The following RIOK3 variants were observed in gnomAD, a reference collection of about 807,000 sequenced individuals.
RIOK3 encodes the protein RIO kinase 3, also known as serine/threonine-protein kinase RIO3.
A neutral mutation model predicts 63.5 loss-of-function variants in RIOK3; 40 were observed. The ratio of observed to expected loss-of-function variants is 0.63; its 90% CI spans 0.49 to 0.82. The LOEUF (loss-of-function observed/expected upper bound fraction) is 0.82, where lower values mean the gene tolerates loss of function less well. Ranked by LOEUF, RIOK3 falls within the 40% of genes least tolerant of loss-of-function variation. The pLI, the probability that RIOK3 is intolerant of heterozygous loss-of-function variation, is 0.00. For missense variants in RIOK3, 557 were observed against 637.0 expected (o/e 0.87, Z 1.35); for synonymous variants, 193 against 205.0 (o/e 0.94, Z 0.50).
intron 11 of RIOK3, among the ~76,000 whole-genome samples, chr18:23,477,766 C>CAAAAA (rs538290499): frequency 1.4e-5 from 1 of 69,174 alleles, no homozygotes; most frequent in African/African-American, 5.2e-5. Flanking sequence ...GGCTCCGTCT[C>CAAAAA]AAAAAAAAAA....
intron 2 of RIOK3, 188 bp downstream of exon 2, chr18:23,463,267 T>C: frequency 4.2e-6 from 2 of 477,088 alleles, no homozygotes; most frequent in Non-Finnish European, 7.4e-6. Context: ...GACAAACCAC[T>C]GTTTCTGTGG....
chr18:23,470,748 A>G (rs2057451177), intron 7 of RIOK3, among the ~76,000 whole-genome samples: 1 of 152,200 alleles, frequency 6.6e-6, no homozygotes, highest in Non-Finnish European at 1.5e-5. Context: ...CTTAAAAGCT[A>G]GGCAGAGGGA....
rs539767450 is a variant in RIOK3 at position 23,481,893 on chromosome 18, A to G, written c.*614A>G. The G allele has an allele frequency of 6.6e-6, 1 of 152,334 alleles. No homozygotes were observed. Among genetic ancestry groups the G allele is most frequent in the South Asian group, 2.1e-4 (1 of 4,830 alleles). The allele number at this position is 152,334 out of a possible 1,614,324, so 9.4% of individuals were successfully genotyped here. On this transcript the variant is annotated 3_prime_UTR_variant, in exon 13 of 13. Coordinates refer to ENST00000339486, the MANE Select transcript of RIOK3 (RefSeq NM_003831.5). ...AAAATGAACAGAATTCTTTTTCCATACTTATATCTAAGAAAAGGCATCATA... is the reference window on the plus strand; with the variant it reads ...AAAATGAACAGAATTCTTTTTCCATGCTTATATCTAAGAAAAGGCATCATA...
chr18:23,468,293 C>CTTTTT (rs1245472469), intron 7 of RIOK3, among the ~76,000 whole-genome samples: 36 of 46,474 alleles, frequency 7.7e-4, no homozygotes, highest in African/African-American at 1.2e-3. Context: ...CAATATACTC[C>CTTTTT]TTTTTTTTTT....
At chr18:23,470,966 G>A (rs955893106) in intron 7 of RIOK3, among the ~76,000 whole-genome samples, 1 of 152,166 alleles carries the variant, frequency 6.6e-6, no homozygotes, top group Admixed American at 6.5e-5. Flanking sequence ...TGTCTTTTAA[G>A]TTATTAGAGA....
At chr18:23,468,773 A>C (rs978250249) in intron 7 of RIOK3, among the ~76,000 whole-genome samples, 2 of 152,180 alleles carry the variant, frequency 1.3e-5, no homozygotes, top group African/African-American at 4.8e-5. Context: ...GTACATAATA[A>C]ATTGCCACAG....
chr18:23,467,473 T>G lies in RIOK3; in HGVS notation c.762T>G (p.Thr254=). The G allele has an allele frequency of 6.2e-7, 1 of 1,613,722 alleles. No individual in the cohort carries two copies. Among genetic ancestry groups the G allele is most frequent in the Non-Finnish European group, 8.5e-7 (1 of 1,179,664 alleles). The part of the protein sequence containing the change: ...MVNSGMLETI[T]GCISTGKESV... ...ACTCTGGAATGTTGGAGACAATCAC[T>G]GGCTGTATTAGTACAGGAAAGGAGT... Residue 254 remains threonine, a synonymous_variant, in exon 7 of 13, where the codon ACT becomes ACG. Transcript: ENST00000339486.
rs755964291 is a variant in RIOK3, at chr18:23,467,574, TC to T, written c.815+52del. 3.2e-6 allele frequency: 5 copies of T among 1,554,872 alleles called. No homozygotes were observed. The East Asian group carries it at 1.1e-4, about 35-fold the overall frequency. ...CATGATATGAAAACTTAGTCTCTTCTCCCCAAGATTAATGAATTTACACAGA... is the reference window on the plus strand; with the variant it reads ...CATGATATGAAAACTTAGTCTCTTCTCCCAAGATTAATGAATTTACACAGA... On this transcript the variant is annotated intron_variant, in intron 7 of 12. Coordinates refer to ENST00000339486, the MANE Select transcript of RIOK3 (RefSeq NM_003831.5).
At chr18:23,463,652 G>A (rs1049716864) in intron 2 of RIOK3, among the ~76,000 whole-genome samples, 2 of 152,044 alleles carry the variant, frequency 1.3e-5, no homozygotes. Flanking sequence ...CAGATGATCC[G>A]CCAGCCTCAG....
At chr18:23,454,228 A>AT (rs2057323684) in intron 1 of RIOK3, among the ~76,000 whole-genome samples, 1 of 152,096 alleles carries the variant, frequency 6.6e-6, no homozygotes, top group African/African-American at 2.4e-5. Flanking sequence ...TTCCATTGGG[A>AT]TTTTTTGTTC....
chr18:23,466,029 T>C, intron 5 of RIOK3, 104 bp from the exon 6 acceptor site: 1 of 765,964 alleles, frequency 1.3e-6, no homozygotes, highest in South Asian at 2.9e-5. Flanking sequence ...TCTAGTGTGA[T>C]CATCTATTGA....
At chr18:23,471,525 T>C (rs185844547) in intron 7 of RIOK3, among the ~76,000 whole-genome samples, 5 of 152,284 alleles carry the variant, frequency 3.3e-5, no homozygotes, top group East Asian at 1.9e-4. Context: ...TTGATTCTTA[T>C]TTTCAAAAGA....
intron 8 of RIOK3, 73 bp downstream of exon 8, chr18:23,473,699 T>C: frequency 9.3e-7 from 1 of 1,079,364 alleles, no homozygotes; most frequent in African/African-American, 1.6e-5. Context: ...AATCCATGCT[T>C]TCTTTTACAT....
chr18:23,477,935 G>A (rs752802094), intron 11 of RIOK3, among the ~76,000 whole-genome samples: 2 of 151,820 alleles, frequency 1.3e-5, no homozygotes, highest in African/African-American at 2.4e-5. Context: ...AGTTGGGTGC[G>A]GTAGCGTGTG....
Position 23,477,356 on chromosome 18 carries a change from A to G in RIOK3, c.1344+88A>G, listed in dbSNP as rs547459799. 463 of 978,778 alleles carry G rather than the reference A, an allele frequency of 4.7e-4. 1 individual carries two copies. In the African/African-American group the frequency reaches 6.5e-3, roughly 14 times the overall value. The allele number at this position is 978,778 out of a possible 1,614,324, so 60.6% of individuals were successfully genotyped here. ...CTCCTAAGATAAGTAAGAGGACCAT[A>G]TTCTTAGAAATTGAAGGAAGGGATA... On this transcript the variant is annotated intron_variant, in intron 11 of 12. Transcript: ENST00000339486.
At chr18:23,459,917 C>A (rs1271996110) in intron 1 of RIOK3, among the ~76,000 whole-genome samples, 1 of 152,234 alleles carries the variant, frequency 6.6e-6, no homozygotes, top group African/African-American at 2.4e-5. Context: ...TGGTCTCGAA[C>A]TCCTGACCTC....
chr18:23,455,582 G>A (rs1481442426), intron 1 of RIOK3, among the ~76,000 whole-genome samples: 2 of 151,636 alleles, frequency 1.3e-5, no homozygotes, highest in South Asian at 2.1e-4. Context: ...TAGTAGAGGC[G>A]GGGTTTCACC....
intron 1 of RIOK3, among the ~76,000 whole-genome samples, chr18:23,455,378 CT>C (rs11305782): frequency 0.19 from 26,087 of 138,666 alleles, 3,303 homozygotes; most frequent in East Asian, 0.34. Context: ...CAACGTCTTT[CT>C]TTTTTTTTTT....
At chr18:23,471,720 TG>T (rs1399126310) in intron 7 of RIOK3, among the ~76,000 whole-genome samples, 4 of 151,984 alleles carry the variant, frequency 2.6e-5, no homozygotes, top group South Asian at 4.2e-4. Flanking sequence ...GCTGTTGGAT[TG>T]GAAGTGGGTG....
Sources: allele counts gnomAD v4.1 joint callset (sites outside exome capture counted in the v4.1 genomes callset), GRCh38; gene constraint gnomAD v4.1.1; transcripts MANE v1.5; gene names NCBI Gene and HGNC (gene_info 2026-07-23, HGNC 2026-07-21).